The following AMT variants were observed in gnomAD, a reference collection of about 807,000 sequenced individuals.
AMT encodes the protein aminomethyltransferase.
A neutral mutation model predicts 39.5 loss-of-function variants in AMT; 24 were observed. That is an observed-to-expected ratio of 0.61 (90% CI 0.44 to 0.86). The LOEUF is 0.86. Among genes scored for constraint, AMT ranks in the 40% least tolerant of loss-of-function variants. The pLI, the probability that AMT is intolerant of heterozygous loss-of-function variation, is 0.00. For missense variants in AMT, 501 were observed against 537.0 expected (o/e 0.93, Z 0.66); for synonymous variants, 210 against 212.1 (o/e 0.99, Z 0.09).
intron 2 of AMT, 152 bp downstream of exon 2, chr3:49,421,952 C>T: frequency 1.9e-6 from 2 of 1,054,168 alleles, no homozygotes; most frequent in Non-Finnish European, 2.9e-6. Flanking sequence ...TTCCTTGGGG[C>T]CATTGACCTA....
In AMT at chr3:49,419,244, C is replaced by G; in HGVS notation, c.696+16G>C. ...TCCTGTGCCCTGTACTGCCCCCACA[C>G]CACTTCTTGACACACCTCCACACCA... On this transcript the variant is annotated intron_variant, in intron 6 of 8. Coordinates refer to ENST00000273588, the MANE Select transcript of AMT (RefSeq NM_000481.4). 1 of 1,614,142 alleles carries G rather than the reference C, an allele frequency of 6.2e-7. No individual in the cohort carries two copies. Among genetic ancestry groups the G allele is most frequent in the Non-Finnish European group, 8.5e-7 (1 of 1,180,030 alleles).
intron 4 of AMT, chr3:49,420,003 G>C: frequency 1.2e-6 from 1 of 805,368 alleles, no homozygotes; most frequent in East Asian, 2.7e-5. Context: ...CACCAGAGGG[G>C]CCAAGACCCC....
chr3:49,421,889 C>T (rs2049108799), intron 2 of AMT: 1 of 756,242 alleles, frequency 1.3e-6, no homozygotes, highest in African/African-American at 1.7e-5. Flanking sequence ...TAAGGCACAC[C>T]ATTTAATGGG....
In AMT at chr3:49,421,591, G is replaced by A. The variant is rs2049103193; in HGVS notation, c.259-19C>T. 6.2e-7 allele frequency: 1 copy of A among 1,608,708 alleles called. No homozygotes were observed. Among genetic ancestry groups the A allele is most frequent in the Non-Finnish European group, 8.5e-7 (1 of 1,175,234 alleles). On this transcript the variant is annotated intron_variant, in intron 2 of 8. Coordinates refer to ENST00000273588, the MANE Select transcript of AMT (RefSeq NM_000481.4). ...TCTTGGTCTGGGGAAGAGATTGAAA[G>A]CCTCAGGCCATTGCAACAGCTACAA...
In AMT at chr3:49,417,835, A is replaced by C; in HGVS notation, c.1016T>G (p.Met339Arg). The change falls in exon 8 of 9, where the codon ATG becomes AGG. Residue 339 changes from methionine (M) to arginine (R), a missense_variant. Coordinates refer to ENST00000273588, the MANE Select transcript of AMT (RefSeq NM_000481.4). The part of the protein sequence containing the change: ...PMRAHSPILN[M>R]EGTKIGTVTS... ...CCACCTACCAATCTTGGTACCCTCCATGTTCAGGATGGGACTGTGTGCCCG... is the reference window on the plus strand; with the variant it reads ...CCACCTACCAATCTTGGTACCCTCCCTGTTCAGGATGGGACTGTGTGCCCG... 1 of 1,613,964 alleles carries C rather than the reference A, an allele frequency of 6.2e-7. No homozygotes were observed. Among genetic ancestry groups the C allele is most frequent in the Non-Finnish European group, 8.5e-7 (1 of 1,179,978 alleles).
intron 5 of AMT, 78 bp from the exon 6 acceptor site, chr3:49,419,483 C>T (rs1037672208): frequency 3.2e-6 from 5 of 1,575,420 alleles, no homozygotes; most frequent in Non-Finnish European, 4.3e-6. Flanking sequence ...ATTCAGGGAC[C>T]AGAACAAGCC....
intron 7 of AMT, 155 bp from the exon 8 acceptor site, chr3:49,418,128 A>G (rs1489892184): frequency 8.9e-6 from 8 of 899,468 alleles, no homozygotes; most frequent in Admixed American, 2.1e-5. Context: ...CCGTCAGCCA[A>G]CCAACCACCT....
At chr3:49,421,322 C>T (rs1559529883) in intron 3 of AMT, 170 bp downstream of exon 3, 2 of 666,200 alleles carry the variant, frequency 3.0e-6, no homozygotes, top group East Asian at 5.4e-5. Flanking sequence ...TATTCCCCTC[C>T]CTACAAATGT....
chr3:49,422,434 C>T lies in AMT; in HGVS notation c.17G>A (p.Ser6Asn). The part of the protein sequence containing the change: MQRAV[S>N]VVARLGFRLQ... The stretch of plus-strand genomic sequence containing the variant: ...GCGAAAGCCCAGACGGGCCACCACA[C>T]TTACAGCCCTCTGCATCGTCGCCTG... The change falls in exon 1 of 9, where the codon AGT becomes AAT. Residue 6 changes from serine to asparagine, a missense_variant. Ser to Asn is a conservative substitution (Grantham distance 46, BLOSUM62 1). Transcript: ENST00000273588. 1 of 1,613,538 alleles carries T rather than the reference C, an allele frequency of 6.2e-7. No homozygotes were observed. Among genetic ancestry groups the T allele is most frequent in the Middle Eastern group, 1.6e-4 (1 of 6,062 alleles).
In AMT at chr3:49,422,095, CT is replaced by C. The variant is rs1159711442; in HGVS notation, c.258+8del. ...CTGATCAGATGGCCAGTGTGCTCCC[CT>C]GGCTCACCTGCAGCATATGAGACAC... is the stretch of plus-strand genomic sequence containing the variant. On this transcript the variant is annotated splice_region_variant and intron_variant, in intron 2 of 8. Transcript: ENST00000273588. 5 of 1,613,456 alleles carry C rather than the reference CT, an allele frequency of 3.1e-6. No homozygotes were observed. The highest frequency in any genetic ancestry group is 4.2e-6 in the Non-Finnish European group (5 of 1,180,034).
Position 49,419,302 on chromosome 3 carries a change from G to T in AMT, c.654C>A (p.Cys218Ter). Reference sequence around the variant, plus strand: ...CTGTGTAGCCACAGCGGGTCACGCGGCAGCCAGACACGCCAAACACCTCCA... The same window carrying T: ...CTGTGTAGCCACAGCGGGTCACGCGTCAGCCAGACACGCCAAACACCTCCA... Reference protein sequence around the residue: ...AVMEVFGVSGCRVTRCGYTGE... With the variant: ...AVMEVFGVSG Residue 218 changes from cysteine (C) to a stop codon, truncating the protein, a stop_gained, in exon 6 of 9, where the codon TGC becomes TGA. Coordinates refer to ENST00000273588, the MANE Select transcript of AMT (RefSeq NM_000481.4). LOFTEE classifies it high-confidence loss of function. The T allele has an allele frequency of 6.2e-7, 1 of 1,614,166 alleles. No homozygotes were observed. The highest frequency in any genetic ancestry group is 8.5e-7 in the Non-Finnish European group (1 of 1,180,032).
rs1453591350 is a variant in AMT at position 49,420,098 on chromosome 3, A to T, written c.471+113T>A. On this transcript the variant is annotated intron_variant, in intron 4 of 8. Coordinates refer to ENST00000273588, the MANE Select transcript of AMT (RefSeq NM_000481.4). ...TCTTGAGTCTCATAGCTGTTCATTC[A>T]CTGAAAGAGCCATTTTCCAGGTCCC... 24 of 1,403,600 alleles carry T rather than the reference A, an allele frequency of 1.7e-5. No homozygotes were observed. In the Admixed American group the frequency reaches 4.2e-4, roughly 24 times the overall value. The allele number at this position is 1,403,600 out of a possible 1,614,324, so 86.9% of individuals were successfully genotyped here. A position where few individuals can be genotyped will look rare whatever the true frequency, so the allele number is the denominator to read the frequency against.
intron 7 of AMT, 196 bp downstream of exon 7, chr3:49,418,775 G>C (rs1325251938): frequency 3.1e-6 from 2 of 639,352 alleles, no homozygotes; most frequent in Non-Finnish European, 5.6e-6. Flanking sequence ...AAAGTGCTGG[G>C]ATTACAGATG....
intron 3 of AMT, chr3:49,421,252 C>T (rs1182233450): frequency 1.8e-6 from 1 of 545,152 alleles, no homozygotes; most frequent in Non-Finnish European, 3.3e-6. Flanking sequence ...AAGGGATGGC[C>T]AGAGAGCAGC....
chr3:49,418,669 T>A, intron 7 of AMT: 1 of 222,722 alleles, frequency 4.5e-6, no homozygotes, highest in Non-Finnish European at 8.5e-6. Context: ...GCCCAGCTAA[T>A]TTTTTTTTTG....
Position 49,419,053 on chromosome 3 carries a change from G to A in AMT, c.795C>T (p.Arg265=). ...CATACAGGCAGAGGCCTGCCTCCAG[G>A]CGCAGGCTGTCCCTGGCTGCCAGCC... ...LAGLAARDSL[R]LEAGLCLYGN... is the part of the protein sequence containing the mutation. The change falls in exon 7 of 9, where the codon CGC becomes CGT. Residue 265 remains arginine (R), a synonymous_variant. Transcript: ENST00000273588. 1.2e-6 allele frequency: 2 copies of A among 1,613,862 alleles called. No homozygotes were observed. The highest frequency in any genetic ancestry group is 1.6e-4 in the Middle Eastern group (1 of 6,062).
intron 1 of AMT, 38 bp from the exon 2 acceptor site, chr3:49,422,309 C>T (rs974641286): frequency 6.2e-7 from 1 of 1,613,814 alleles, no homozygotes; most frequent in Middle Eastern, 1.6e-4. Context: ...AGGGCCCTAG[C>T]CCCCAGCCGC....
chr3:49,420,760 CA>C (rs141209363), intron 3 of AMT: 2 of 246,518 alleles, frequency 8.1e-6, no homozygotes, highest in Non-Finnish European at 1.6e-5. Context: ...GCAATGCCCC[CA>C]AAAAACTTCC....
intron 7 of AMT, 173 bp downstream of exon 7, chr3:49,418,798 T>A (rs2049045692): frequency 2.8e-6 from 2 of 720,214 alleles, no homozygotes; most frequent in Non-Finnish European, 4.8e-6. Flanking sequence ...AGCCACCGCA[T>A]CCGGCCAACA....
Sources: allele counts gnomAD v4.1 joint callset, GRCh38; gene constraint gnomAD v4.1.1; transcripts MANE v1.5; gene names NCBI Gene and HGNC (gene_info 2026-07-23, HGNC 2026-07-21).